Variants in MAB21L4 observed in about 807,000 individuals in gnomAD.
MAB21L4 encodes mab-21 like 4, also known as protein mab-21-like 4.
A neutral mutation model predicts 32.4 loss-of-function variants in MAB21L4; 25 were observed. That is an observed-to-expected ratio of 0.77 (90% CI 0.56 to 1.08). The LOEUF (loss-of-function observed/expected upper bound fraction) is 1.08, where lower values mean the gene tolerates loss of function less well. MAB21L4 is among the 50% of genes least tolerant of loss of function. The pLI is 0.00. For synonymous variants in MAB21L4, 280 were observed against 276.8 expected (o/e 1.01, Z -0.11); for missense variants, 638 against 611.0 (o/e 1.04, Z -0.47).
intron 1 of MAB21L4, 135 bp from the exon 2 acceptor site, chr2:240,891,898 C>T: frequency 1.3e-6 from 2 of 1,575,816 alleles, no homozygotes; most frequent in South Asian, 1.2e-5. Flanking sequence ...CTGGCCCCCA[C>T]CTGCAGGCTG....
chr2:240,887,382 C>T (rs888756919), intron 4 of MAB21L4, among the ~76,000 whole-genome samples: 1 of 152,224 alleles, frequency 6.6e-6, no homozygotes, highest in Non-Finnish European at 1.5e-5. Flanking sequence ...CTGGCATGGG[C>T]CTACACTGAG....
In MAB21L4 at chr2:240,895,497, A is replaced by G; in HGVS notation, c.501T>C (p.Ser167=). 6.4e-7 allele frequency: 1 copy of G among 1,567,514 alleles called. No homozygotes were observed. Among genetic ancestry groups the G allele is most frequent in the East Asian group, 2.3e-5 (1 of 43,262 alleles). The change falls in exon 1 of 5, where the codon AGT becomes AGC. Residue 167 remains serine, a synonymous_variant. Transcript: ENST00000388934. The part of the protein sequence containing the change: ...VAAIVHCKHH[S]LIAPGSLNAA... ...CTGTGCCTGTACCTGGTGCGATGAG[A>G]CTGTGGTGCTTGCAGTGTACGATGG... is the stretch of plus-strand genomic sequence containing the variant.
In MAB21L4 at chr2:240,896,061, AGATGGGCTGTGAG is replaced by A; in HGVS notation, c.-77_-65del. ...GGAGGACTCCGCAGGCCAGCTGTGCAGATGGGCTGTGAGGAGGCACCTGCCCAGGTGAGCAGCA... is the reference window on the plus strand; with the variant it reads ...GGAGGACTCCGCAGGCCAGCTGTGCAGAGGCACCTGCCCAGGTGAGCAGCA... On this transcript the variant is annotated 5_prime_UTR_variant, in exon 1 of 5. Transcript: ENST00000388934. The A allele has an allele frequency of 1.4e-6, 2 of 1,402,174 alleles. No homozygotes were observed. The highest frequency in any genetic ancestry group is 1.7e-5 in the South Asian group (1 of 59,640). The allele number at this position is 1,402,174 out of a possible 1,614,324, so 86.9% of individuals were successfully genotyped here.
chr2:240,894,494 T>A (rs2059174245), intron 1 of MAB21L4, among the ~76,000 whole-genome samples: 1 of 152,116 alleles, frequency 6.6e-6, no homozygotes, highest in Non-Finnish European at 1.5e-5. Context: ...AGACTCACCC[T>A]GGACCATATC....
In MAB21L4 at chr2:240,888,469, G is replaced by A. The variant is rs1416663479; in HGVS notation, c.1074C>T (p.Ile358=). The A allele has an allele frequency of 6.3e-7, 1 of 1,595,420 alleles. No individual in the cohort carries two copies. The part of the protein sequence containing the change: ...LQGSGLDLGA[I]YQRVEGFASQ... ...TGGCGAAGCCCTCCACGCGCTGGTA[G>A]ATGGCACCAAGGTCCAGGCCGCTGC... The change falls in exon 4 of 5, where the codon ATC becomes ATT. Residue 358 remains isoleucine, a synonymous_variant. Transcript: ENST00000388934.
At position 240,891,693 on chromosome 2, in the gene MAB21L4, T is replaced by C. The variant is rs760239593; in HGVS notation, c.585A>G (p.Arg195=). 5.0e-6 allele frequency: 8 copies of C among 1,609,800 alleles called. No individual in the cohort carries two copies. In the African/African-American group the frequency reaches 9.3e-5, roughly 19 times the overall value. The change falls in exon 2 of 5, where the codon AGA becomes AGG. Residue 195 remains arginine, a synonymous_variant. Transcript: ENST00000388934. ...CGGGCACCACGTGGAAGCTGATTGT[T>C]CTCCAGCCGCTGGACACCAGCAAGG... ...HLSLLVSSGW[R]TISFHVVPVV...
At position 240,886,912 on chromosome 2, in the gene MAB21L4, G is replaced by A; in HGVS notation, c.*158C>T. The A allele has an allele frequency of 1.7e-6, 1 of 589,952 alleles. No homozygotes were observed. The highest frequency in any genetic ancestry group is 3.0e-6 in the Non-Finnish European group (1 of 336,626). 36.5% of individuals were successfully genotyped at this position (589,952 alleles called of 1,614,324 possible). ...GGCCTGCCCTGCCCCACCAGGCACTGAAAGACTCTCAGAGGCCACTGCTGG... is the reference window on the plus strand; with the variant it reads ...GGCCTGCCCTGCCCCACCAGGCACTAAAAGACTCTCAGAGGCCACTGCTGG... On this transcript the variant is annotated 3_prime_UTR_variant, in exon 5 of 5. Coordinates refer to ENST00000388934, the MANE Select transcript of MAB21L4 (RefSeq NM_001085437.3).
In MAB21L4 at chr2:240,888,388, C is replaced by A. The variant is rs75895045; in HGVS notation, c.1155G>T (p.Pro385=). The part of the protein sequence containing the change: ...IHATHLGRSP[P]PRIGSGLKAL... ...CCTTGAGCCCGGAGCCGATGCGCGG[C>A]GGGGGGCTGCGGCCCAGGTGGGTGG... is the stretch of plus-strand genomic sequence containing the variant. The change falls in exon 4 of 5, where the codon CCG becomes CCT. Residue 385 remains proline, a synonymous_variant. Coordinates refer to ENST00000388934, the MANE Select transcript of MAB21L4 (RefSeq NM_001085437.3). 0.012 allele frequency: 19,213 copies of A among 1,556,140 alleles called. 1,765 individuals are homozygous for A. In the African/African-American group the frequency reaches 0.21, roughly 17 times the overall value.
intron 3 of MAB21L4, among the ~76,000 whole-genome samples, chr2:240,889,207 C>T (rs926682768): frequency 6.6e-6 from 1 of 152,322 alleles, no homozygotes; most frequent in East Asian, 1.9e-4. Flanking sequence ...TGGCCTCTCA[C>T]CCTGCAGTTG....
At chr2:240,891,177 C>A (rs527660991) in intron 2 of MAB21L4, among the ~76,000 whole-genome samples, 2 of 152,182 alleles carry the variant, frequency 1.3e-5, no homozygotes, top group African/African-American at 4.8e-5. Context: ...GTGTGGGAAC[C>A]CTCTCAGCTT....
At chr2:240,889,860 TG>T in intron 3 of MAB21L4, 144 bp downstream of exon 3, 2 of 986,774 alleles carry the variant, frequency 2.0e-6, no homozygotes, top group Non-Finnish European at 2.9e-6. Context: ...CCTCAGAACC[TG>T]GGCAGGCCCT....
Position 240,888,373 on chromosome 2 carries a change from G to C in MAB21L4, c.1170C>G (p.Ser390=). 1 of 1,569,640 alleles carries C rather than the reference G, an allele frequency of 6.4e-7. No homozygotes were observed. Among genetic ancestry groups the C allele is most frequent in the East Asian group, 2.4e-5 (1 of 42,368 alleles). ...LGRSPPPRIG[S]GLKALLQLPA... ...GCAGCTGCAGGAGCGCCTTGAGCCC[G>C]GAGCCGATGCGCGGCGGGGGGCTGC... Residue 390 remains serine (S), a synonymous_variant, in exon 4 of 5, where the codon TCC becomes TCG. Transcript: ENST00000388934.
rs1291129643 is a variant in MAB21L4, at chr2:240,886,206, G to A, written c.*864C>T. 1 of 152,274 alleles carries A rather than the reference G, an allele frequency of 6.6e-6. No individual in the cohort carries two copies. Among genetic ancestry groups the A allele is most frequent in the East Asian group, 1.9e-4 (1 of 5,202 alleles). The allele number at this position is 152,274 out of a possible 1,614,324, so 9.4% of individuals were successfully genotyped here. A position where few individuals can be genotyped will look rare whatever the true frequency, so the allele number is the denominator to read the frequency against. On this transcript the variant is annotated 3_prime_UTR_variant, in exon 5 of 5. Coordinates refer to ENST00000388934, the MANE Select transcript of MAB21L4 (RefSeq NM_001085437.3). ...GAGGAAGAGAGCAAAAGGAGAGGGG[G>A]AGGGGCCACACACTCAAAAAACCAG... is the stretch of plus-strand genomic sequence containing the variant.
In MAB21L4 at chr2:240,895,483, C is replaced by T. The variant is rs754532074; in HGVS notation, c.514+1G>A. ...GCGTGCAGAGTGGGCTGTGCCTGTA[C>T]CTGGTGCGATGAGACTGTGGTGCTT... On this transcript the variant is annotated splice_donor_variant, in intron 1 of 4. Transcript: ENST00000388934. LOFTEE classifies it high-confidence loss of function. The T allele has an allele frequency of 2.6e-6, 4 of 1,543,646 alleles. No individual in the cohort carries two copies. Among genetic ancestry groups the T allele is most frequent in the Non-Finnish European group, 3.5e-6 (4 of 1,138,398 alleles).
intron 3 of MAB21L4, 28 bp from the exon 4 acceptor site, chr2:240,888,676 C>A (rs2059118728): frequency 2.1e-6 from 3 of 1,461,904 alleles, no homozygotes; most frequent in Non-Finnish European, 2.7e-6. Context: ...CAGCCCTGGC[C>A]TCCTGGCCCA....
In MAB21L4 at chr2:240,895,482, A is replaced by G. The variant is rs1306481592; in HGVS notation, c.514+2T>C. 2.6e-6 allele frequency: 4 copies of G among 1,542,158 alleles called. No individual in the cohort carries two copies. The stretch of plus-strand genomic sequence containing the variant: ...CGCGTGCAGAGTGGGCTGTGCCTGT[A>G]CCTGGTGCGATGAGACTGTGGTGCT... On this transcript the variant is annotated splice_donor_variant, in intron 1 of 4. Transcript: ENST00000388934. LOFTEE classifies it high-confidence loss of function.
Position 240,888,278 on chromosome 2 carries a change from C to T in MAB21L4, c.1251+14G>A, listed in dbSNP as rs367601884. 118 of 1,523,950 alleles carry T rather than the reference C, an allele frequency of 7.7e-5. No homozygotes were observed. In the African/African-American group the frequency reaches 1.1e-3, roughly 14 times the overall value. The allele number at this position is 1,523,950 out of a possible 1,614,324, so 94.4% of individuals were successfully genotyped here. ...CCCCCGGGCCTGCCCAAGGCCCCCG[C>T]AGCCAGCACCCACCTTGTCCAGCAG... On this transcript the variant is annotated intron_variant, in intron 4 of 4. Transcript: ENST00000388934.
chr2:240,894,278 G>A (rs1304996675), intron 1 of MAB21L4, among the ~76,000 whole-genome samples: 1 of 152,098 alleles, frequency 6.6e-6, no homozygotes, highest in African/African-American at 2.4e-5. Context: ...GGTGACTCGA[G>A]GCAACAAAGC....
In MAB21L4 at chr2:240,896,062, G is replaced by T. The variant is rs2059186029; in HGVS notation, c.-65C>A. 2.1e-6 allele frequency: 3 copies of T among 1,401,540 alleles called. No homozygotes were observed. Among genetic ancestry groups the T allele is most frequent in the African/African-American group, 2.9e-5 (2 of 68,450 alleles). The allele number at this position is 1,401,540 out of a possible 1,614,324, so 86.8% of individuals were successfully genotyped here. ...GAGGACTCCGCAGGCCAGCTGTGCA[G>T]ATGGGCTGTGAGGAGGCACCTGCCC... is the stretch of plus-strand genomic sequence containing the variant. On this transcript the variant is annotated 5_prime_UTR_variant, in exon 1 of 5. In the 5' UTR this introduces an upstream ATG that the reference lacks. Coordinates refer to ENST00000388934, the MANE Select transcript of MAB21L4 (RefSeq NM_001085437.3).
Sources: gnomAD v4.1 joint callset for allele counts (sites outside exome capture counted in the v4.1 genomes callset) on GRCh38, gnomAD v4.1.1 for gene constraint, MANE v1.5 for transcripts, NCBI Gene and HGNC (gene_info 2026-07-23, HGNC 2026-07-21) for gene names.